ZFP90: variants seen among roughly 807,000 people sequenced by gnomAD.
ZFP90 encodes the protein zinc finger protein 90 homolog.
In ZFP90, 38 loss-of-function variants were observed where a neutral mutation model predicts 60.8. That is an observed-to-expected ratio of 0.62 (90% CI 0.48 to 0.82). The LOEUF is 0.82. Ranked by LOEUF, ZFP90 falls within the 40% of genes least tolerant of loss-of-function variation. The pLI is 0.00. For synonymous variants in ZFP90, 287 were observed against 264.8 expected (o/e 1.08, Z -0.82); for missense variants, 711 against 759.1 (o/e 0.94, Z 0.74).
At chr16:68,562,939 C>T in intron 4 of ZFP90, 105 bp from the exon 5 acceptor site, 1 of 1,554,910 alleles carries the variant, frequency 6.4e-7, no homozygotes. Flanking sequence ...GGAGTAATTT[C>T]AAAACAGAGT....
At chr16:68,539,630 G>A (rs943555778) in intron 1 of ZFP90, 128 bp from the exon 2 acceptor site, 3 of 719,784 alleles carry the variant, frequency 4.2e-6, no homozygotes, top group East Asian at 6.4e-5. Context: ...CGGCAGGCCC[G>A]GGCTGGTTCC....
At position 68,558,495 on chromosome 16, in the gene ZFP90, G is replaced by A. The variant is rs1448969250; in HGVS notation, c.183G>A (p.Glu61=). ...VSLGYQVSKP[E]VIFKLEQGEE... is the part of the protein sequence containing the mutation. ...CAGGATATCAAGTTTCCAAGCCAGA[G>A]GTGATCTTCAAATTGGAGCAAGGAG... Residue 61 remains glutamate, a synonymous_variant, in exon 4 of 5, where the codon GAG becomes GAA. Coordinates refer to ENST00000563169, the MANE Select transcript of ZFP90 (RefSeq NM_001305203.2). 2 of 1,613,906 alleles carry A rather than the reference G, an allele frequency of 1.2e-6. No individual in the cohort carries two copies. The highest frequency in any genetic ancestry group is 2.2e-5 in the East Asian group (1 of 44,882).
chr16:68,564,537 A>G lies in ZFP90; in HGVS notation c.1750A>G (p.Asn584Asp). 1 of 1,614,050 alleles carries G rather than the reference A, an allele frequency of 6.2e-7. No homozygotes were observed. The highest frequency in any genetic ancestry group is 8.5e-7 in the Non-Finnish European group (1 of 1,179,946). ...TACTGGAGAGAAGCCCTATGAATGT[A>G]ATGAATGTGGGAGAGCCTTCCGAAA... ...THTGEKPYECNECGRAFRKKT... is the reference protein window; with the variant it reads ...THTGEKPYECDECGRAFRKKT... The change falls in exon 5 of 5, where the codon AAT becomes GAT. Residue 584 changes from asparagine to aspartate, a missense_variant. Physicochemically the swap from Asn to Asp is conservative, Grantham distance 23 (BLOSUM62 1). Coordinates refer to ENST00000563169, the MANE Select transcript of ZFP90 (RefSeq NM_001305203.2).
intron 2 of ZFP90, among the ~76,000 whole-genome samples, chr16:68,555,874 A>C (rs2091335406): frequency 6.6e-6 from 1 of 151,832 alleles, no homozygotes; most frequent in South Asian, 2.1e-4. Context: ...TAAGCAAACA[A>C]GAGAAGGGTA....
chr16:68,558,702 C>G, intron 4 of ZFP90, 134 bp downstream of exon 4: 1 of 710,976 alleles, frequency 1.4e-6, no homozygotes, highest in Non-Finnish European at 2.4e-6. Flanking sequence ...GCCTGGCCGA[C>G]ACCTTGTAGG....
At chr16:68,572,436 G>A (rs16958159) in intron 2 of ZFP90, among the ~76,000 whole-genome samples, 5,188 of 152,226 alleles carry the variant, frequency 0.034, 277 homozygotes, top group African/African-American at 0.12. Flanking sequence ...TGCTGATAAA[G>A]CTCCTAAGGT....
Position 68,563,747 on chromosome 16 carries a change from G to A in ZFP90, c.960G>A (p.Gln320=). The A allele has an allele frequency of 6.2e-7, 1 of 1,609,838 alleles. No individual in the cohort carries two copies. The highest frequency in any genetic ancestry group is 1.1e-5 in the South Asian group (1 of 90,768). The change falls in exon 5 of 5, where the codon CAG becomes CAA. Residue 320 remains glutamine, a synonymous_variant. Transcript: ENST00000563169. ...GTAGTCTCTGTGGGAAAGCCTTCCAGCGCAGCTCCTCCCTTGTTCAACACC... is the reference window on the plus strand; with the variant it reads ...GTAGTCTCTGTGGGAAAGCCTTCCAACGCAGCTCCTCCCTTGTTCAACACC... ...YQCSLCGKAF[Q]RSSSLVQHQR...
At chr16:68,537,640 A>T (rs1004304169), upstream of ZFP90, among the ~76,000 whole-genome samples, 2 of 152,134 alleles carry the variant, frequency 1.3e-5, no homozygotes, top group African/African-American at 4.8e-5. Context: ...ATCACAGCCC[A>T]CCACAACCTC....
upstream of ZFP90, among the ~76,000 whole-genome samples, chr16:68,535,124 G>T (rs1229923180): frequency 6.6e-6 from 1 of 152,118 alleles, no homozygotes; most frequent in Non-Finnish European, 1.5e-5. Context: ...TTGAAGCCTG[G>T]ACTGAAGGTA....
intron 2 of ZFP90, chr16:68,573,800 C>T (rs2091579749): frequency 6.6e-6 from 1 of 152,240 alleles, no homozygotes; most frequent in Non-Finnish European, 1.5e-5. Flanking sequence ...AAGAGAGCAC[C>T]TCCTGAACGC....
chr16:68,542,834 C>A (rs1254296713), intron 2 of ZFP90, among the ~76,000 whole-genome samples: 1 of 152,158 alleles, frequency 6.6e-6, no homozygotes, highest in Non-Finnish European at 1.5e-5. Context: ...TCATTGAGCC[C>A]TATGATGTGT....
At chr16:68,570,243 T>C (rs1426706748), downstream of ZFP90, among the ~76,000 whole-genome samples, 1 of 152,208 alleles carries the variant, frequency 6.6e-6, no homozygotes, top group Non-Finnish European at 1.5e-5. Context: ...ATGGATTCCA[T>C]GTGGCTAAAT....
chr16:68,571,316 C>T (rs531567045), downstream of ZFP90, among the ~76,000 whole-genome samples: 2 of 152,218 alleles, frequency 1.3e-5, no homozygotes, highest in East Asian at 1.9e-4. Flanking sequence ...AATTTAAAAT[C>T]GCTATTTTCC....
At chr16:68,558,263 G>A (rs2091379363) in intron 3 of ZFP90, 139 bp downstream of exon 3, 5 of 1,346,408 alleles carry the variant, frequency 3.7e-6, no homozygotes, top group African/African-American at 2.9e-5. Context: ...TTGGGACCCA[G>A]TTTTATGGGG....
Position 68,539,772 on chromosome 16 carries a change from C to T in ZFP90, c.-21C>T, listed in dbSNP as rs773118229. The T allele has an allele frequency of 1.3e-6, 2 of 1,581,980 alleles. No individual in the cohort carries two copies. The highest frequency in any genetic ancestry group is 1.8e-5 in the Admixed American group (1 of 56,022). On this transcript the variant is annotated 5_prime_UTR_variant, in exon 2 of 5. Coordinates refer to ENST00000563169, the MANE Select transcript of ZFP90 (RefSeq NM_001305203.2). ...TTTCTCCCCAGCTCCTGCCCCGGAG[C>T]CGGGCCCTGGCGAGGCAGGAATGGC...
chr16:68,541,541 G>A (rs2152054931), intron 2 of ZFP90, among the ~76,000 whole-genome samples: 1 of 151,908 alleles, frequency 6.6e-6, no homozygotes, highest in African/African-American at 2.4e-5. Flanking sequence ...GGATGGTCTC[G>A]ATCTCCTGAC....
At position 68,563,887 on chromosome 16, in the gene ZFP90, A is replaced by G. The variant is rs1380352982; in HGVS notation, c.1100A>G (p.Gln367Arg). ...EVTHSGEKPF[Q>R]CKECGKAFSR... ...ACACACAGTGGAGAGAAGCCCTTCC[A>G]GTGTAAGGAATGTGGGAAAGCCTTT... Residue 367 changes from glutamine (Q) to arginine (R), a missense_variant, in exon 5 of 5, where the codon CAG becomes CGG. Physicochemically the swap from Gln to Arg is conservative, Grantham distance 43. This residue lies in a region of ZFP90 where 146 missense variants were observed against 201.4 expected (regional missense o/e 0.73). Transcript: ENST00000563169. The G allele has an allele frequency of 6.2e-7, 1 of 1,614,154 alleles. No individual in the cohort carries two copies. The highest frequency in any genetic ancestry group is 8.5e-7 in the Non-Finnish European group (1 of 1,180,012).
chr16:68,570,265 T>A (rs1448655972), downstream of ZFP90, among the ~76,000 whole-genome samples: 1 of 152,178 alleles, frequency 6.6e-6, no homozygotes, highest in Non-Finnish European at 1.5e-5. Flanking sequence ...CAGTGGTCTT[T>A]TTCAGTCCTA....
intron 2 of ZFP90, among the ~76,000 whole-genome samples, chr16:68,546,857 T>G (rs1364492188): frequency 6.6e-6 from 1 of 152,222 alleles, no homozygotes; most frequent in African/African-American, 2.4e-5. Flanking sequence ...TTTCACTTAT[T>G]ATAATGTCTT....
Sources: allele counts gnomAD v4.1 joint callset (sites outside exome capture counted in the v4.1 genomes callset), GRCh38; gene constraint gnomAD v4.1.1; regional missense constraint gnomAD v4.1.1; transcripts MANE v1.5; gene names NCBI Gene and HGNC (gene_info 2026-07-23, HGNC 2026-07-21).